The following SLC26A5 variants were observed in gnomAD, a reference collection of about 807,000 sequenced individuals.
SLC26A5 encodes prestin.
Under a neutral mutation model 81.0 loss-of-function variants are expected in SLC26A5, and 51 were observed. That is an observed-to-expected ratio of 0.63 (90% CI 0.50 to 0.80). The LOEUF (loss-of-function observed/expected upper bound fraction) is 0.80. Among genes scored for constraint, SLC26A5 ranks in the 30% least tolerant of loss-of-function variants. The probability of loss-of-function intolerance (pLI) is 0.00; values close to 1 mark genes in which losing one functional copy is unlikely to be tolerated. For synonymous variants in SLC26A5, 325 were observed against 332.8 expected, an observed-to-expected ratio of 0.98 and a Z score of 0.25; for missense variants, 771 against 905.8, an observed-to-expected ratio of 0.85 and a Z score of 1.91.
In SLC26A5 at chr7:103,379,207, C is replaced by T. The variant is rs1397746959; in HGVS notation, c.1677+36G>A. The T allele has an allele frequency of 6.2e-6, 9 of 1,459,964 alleles. No individual in the cohort carries two copies. In the South Asian group the frequency reaches 8.0e-5, roughly 13 times the overall value. 90.4% of individuals were successfully genotyped at this position (1,459,964 alleles called of 1,614,324 possible). ...CTCATATCCCTGTCAACCCACAAATCCCATCCTCAGAAATAATCAATTTCT... is the reference window on the plus strand; with the variant it reads ...CTCATATCCCTGTCAACCCACAAATTCCATCCTCAGAAATAATCAATTTCT... On this transcript the variant is annotated intron_variant, in intron 16 of 19. Coordinates refer to ENST00000306312, the MANE Select transcript of SLC26A5 (RefSeq NM_198999.3).
At chr7:103,360,686 G>GT (rs1820333399) in intron 19 of SLC26A5, among the ~76,000 whole-genome samples, 1 of 152,060 alleles carries the variant, frequency 6.6e-6, no homozygotes, top group African/African-American at 2.4e-5. Flanking sequence ...TCTGTTTTTT[G>GT]TTTTTGTTTT....
At chr7:103,385,827 A>G (rs1371008138) in intron 14 of SLC26A5, among the ~76,000 whole-genome samples, 1 of 151,386 alleles carries the variant, frequency 6.6e-6, no homozygotes, top group East Asian at 1.9e-4. Context: ...CAGCCTTCCA[A>G]GTAGCTGGGA....
At chr7:103,418,737 G>C (rs1825111404) in intron 4 of SLC26A5, among the ~76,000 whole-genome samples, 1 of 151,976 alleles carries the variant, frequency 6.6e-6, no homozygotes, top group Non-Finnish European at 1.5e-5. Context: ...TTGATTTTTG[G>C]CCAGCTGACC....
At chr7:103,368,062 A>G (rs770492655) in intron 19 of SLC26A5, 2 of 1,589,686 alleles carry the variant, frequency 1.3e-6, no homozygotes, top group East Asian at 4.5e-5. Flanking sequence ...TGAACCCTGA[A>G]GGCTTTCAAG....
intron 19 of SLC26A5, among the ~76,000 whole-genome samples, chr7:103,366,513 A>G (rs1352957079): frequency 6.6e-6 from 1 of 152,242 alleles, no homozygotes; most frequent in Non-Finnish European, 1.5e-5. Context: ...CCTGAAATCT[A>G]AAGTGCTCCA....
rs116591531 is a variant in SLC26A5 at position 103,441,885 on chromosome 7, C to T, written c.-54+1198G>A. 2.5e-3 allele frequency among the ~76,000 whole-genome samples: 381 copies of T among 152,334 alleles called. 2 individuals carry two copies. The highest frequency in any genetic ancestry group is 9.0e-3 in the African/African-American group (373 of 41,582). On this transcript the variant is annotated intron_variant, in intron 2 of 19. Coordinates refer to ENST00000306312, the MANE Select transcript of SLC26A5 (RefSeq NM_198999.3). ...ACCTGAAATGGCTTCATCTGGACTG[C>T]TTCTGAGAAAGGCATGTTTAGGTTT... is the stretch of plus-strand genomic sequence containing the variant.
chr7:103,368,918 GAATCCTCAAC>G (rs1488069180), intron 19 of SLC26A5: 1 of 22,986 alleles, frequency 4.4e-5, no homozygotes, highest in Non-Finnish European at 1.2e-4. Context: ...GGTTATATTA[GAATCCTCAAC>G]ATCTCTTTAA....
chr7:103,404,933 G>A (rs1823909136), intron 8 of SLC26A5, among the ~76,000 whole-genome samples: 1 of 151,166 alleles, frequency 6.6e-6, no homozygotes, highest in Admixed American at 6.6e-5. Context: ...ATTTCATTAA[G>A]TTGATCTTCA....
At chr7:103,397,886 C>A in intron 9 of SLC26A5, 46 bp downstream of exon 9, 2 of 1,343,998 alleles carry the variant, frequency 1.5e-6, no homozygotes, top group Non-Finnish European at 2.1e-6. Context: ...GGCAATAGAT[C>A]CATTGATTAT....
intron 5 of SLC26A5, among the ~76,000 whole-genome samples, chr7:103,412,543 T>G (rs1361200714): frequency 1.9e-5 from 2 of 106,960 alleles, no homozygotes; most frequent in African/African-American, 4.7e-5. Flanking sequence ...AGGAGTGTAG[T>G]TTTTTTTTTG....
At chr7:103,417,350 T>A (rs554003270) in intron 4 of SLC26A5, among the ~76,000 whole-genome samples, 9 of 129,434 alleles carry the variant, frequency 7.0e-5, no homozygotes, top group Admixed American at 9.0e-5. Flanking sequence ...AGCTTGCCAA[T>A]AGAGCGAGAC....
chr7:103,421,248 G>A (rs1014143755), intron 3 of SLC26A5, 115 bp downstream of exon 3: 17 of 1,169,366 alleles, frequency 1.5e-5, no homozygotes, highest in South Asian at 2.6e-5. Flanking sequence ...AACCATGATG[G>A]CTCAGCATTC....
chr7:103,411,508 C>A lies in SLC26A5; in HGVS notation c.482G>T (p.Gly161Val). 6.2e-7 allele frequency: 1 copy of A among 1,614,178 alleles called. No individual in the cohort carries two copies. The highest frequency in any genetic ancestry group is 8.5e-7 in the Non-Finnish European group (1 of 1,180,028). ...LVPDDIVIPG[G>V]VNATNGTEAR... ...CTCTGTGCCATTGGTTGCATTTACT[C>A]CTCCTGGAATGACTATATCATCTGG... The change falls in exon 6 of 20, where the codon GGA (glycine) becomes GTA (valine). Residue 161 changes from glycine (G) to valine (V), a missense_variant. By Grantham distance (109) the Gly-to-Val change is moderately radical (BLOSUM62 -3). Transcript: ENST00000306312.
chr7:103,418,668 A>T (rs1825106432), intron 4 of SLC26A5, among the ~76,000 whole-genome samples: 1 of 152,202 alleles, frequency 6.6e-6, no homozygotes, highest in African/African-American at 2.4e-5. Context: ...CTAATTGATC[A>T]TTAGGGGAAG....
downstream of SLC26A5, among the ~76,000 whole-genome samples, chr7:103,371,913 T>C (rs935634382): frequency 1.3e-5 from 2 of 151,822 alleles, no homozygotes; most frequent in African/African-American, 2.4e-5. Context: ...GCCAGGCTGG[T>C]CTTGAATTCC....
chr7:103,398,729 T>C (rs981861472), intron 8 of SLC26A5, among the ~76,000 whole-genome samples: 15 of 151,998 alleles, frequency 9.9e-5, no homozygotes, highest in African/African-American at 3.4e-4. Flanking sequence ...TCTGAGTGAG[T>C]TACCCAACAG....
intron 14 of SLC26A5, among the ~76,000 whole-genome samples, chr7:103,382,394 G>T (rs56235380): frequency 0.67 from 93,769 of 140,096 alleles, 33,175 homozygotes; most frequent in Middle Eastern, 0.81. Context: ...CTGTTGCCCA[G>T]GCTGGAGTGC....
intron 9 of SLC26A5, 129 bp downstream of exon 9, chr7:103,397,803 T>A: frequency 1.4e-6 from 1 of 721,932 alleles, no homozygotes. Context: ...CCAATCCCCC[T>A]AAAGCCCTCA....
At chr7:103,412,237 G>C (rs1002936247) in intron 5 of SLC26A5, among the ~76,000 whole-genome samples, 1 of 152,180 alleles carries the variant, frequency 6.6e-6, no homozygotes, top group South Asian at 2.1e-4. Flanking sequence ...GTGTGTGTTA[G>C]GTAGTAGCCT....
Sources: allele counts gnomAD v4.1 joint callset (sites outside exome capture counted in the v4.1 genomes callset), GRCh38; gene constraint gnomAD v4.1.1; transcripts MANE v1.5; gene names NCBI Gene and HGNC (gene_info 2026-07-23, HGNC 2026-07-21).